The following PTK2B variants were observed in gnomAD, a reference collection of about 807,000 sequenced individuals.
PTK2B encodes the protein protein-tyrosine kinase 2-beta.
In PTK2B, 71 loss-of-function variants were observed where a neutral mutation model predicts 142.9. The observed-to-expected ratio is 0.50, with a 90% CI of 0.41 to 0.61. PTK2B has a LOEUF of 0.61. PTK2B is among the 20% of genes least tolerant of loss of function. The probability of loss-of-function intolerance (pLI) is 0.00; values close to 1 mark genes in which losing one functional copy is unlikely to be tolerated. For synonymous variants in PTK2B, 519 were observed against 503.4 expected, an observed-to-expected ratio of 1.03 and a Z score of -0.42; for missense variants, 1,105 against 1,320.4, an observed-to-expected ratio of 0.84 and a Z score of 2.53.
At position 27,389,153 on chromosome 8, in the gene PTK2B, T is replaced by G. The variant is rs369034472; in HGVS notation, c.-37-8395T>G. ...TTGTTCCGTTTTATCTTTTTTCTTT[T>G]TACTGGATTATGATCTAATAGATGG... On this transcript the variant is annotated intron_variant, in intron 1 of 30. Transcript: ENST00000346049. 5.3e-5 allele frequency among the ~76,000 whole-genome samples: 8 copies of G among 152,294 alleles called. 1 individual carries two copies. The highest frequency in any genetic ancestry group is 1.9e-4 in the African/African-American group (8 of 41,554).
chr8:27,364,115 G>A lies in PTK2B; in HGVS notation c.-37-33433G>A, dbSNP rs549285970. Among the ~76,000 whole-genome samples the A allele has an allele frequency of 3.9e-5, 6 of 152,294 alleles. No homozygotes were observed. The South Asian group carries it at 1.2e-3, about 32-fold the overall frequency. On this transcript the variant is annotated intron_variant, in intron 1 of 30. Transcript: ENST00000346049. The stretch of plus-strand genomic sequence containing the variant: ...CCCGTTTTACAGAGAAAGAAGCCAG[G>A]GTTCAGGATAGTTGGAAATAAGTCT...
Position 27,397,757 on chromosome 8 carries a change from T to C in PTK2B, c.173T>C (p.Leu58Pro). ...NSFNPGKNFK[L>P]VKCTVQTEIR... is the part of the protein sequence containing the mutation. ...TTCAATCCTGGGAAAAACTTCAAAC[T>C]GGTCAAATGCACTGTCCAGACGGAG... The change falls in exon 2 of 31, where the codon CTG becomes CCG. Residue 58 changes from leucine to proline, a missense_variant. Transcript: ENST00000346049. 7 of 1,614,242 alleles carry C rather than the reference T, an allele frequency of 4.3e-6. No individual in the cohort carries two copies. The highest frequency in any genetic ancestry group is 5.9e-6 in the Non-Finnish European group (7 of 1,180,034).
rs1325193695 is a variant in PTK2B at position 27,445,889 on chromosome 8, G to A, written c.2310G>A (p.Arg770=). ...CACTGCACACCCCACCTCTCCACCG[G>A]CACAATGTCTTCAAACGCCACAGCA... is the stretch of plus-strand genomic sequence containing the variant. ...VNSLHTPPLH[R]HNVFKRHSMR... The change falls in exon 24 of 31, where the codon CGG becomes CGA. Residue 770 remains arginine (R), a synonymous_variant. Transcript: ENST00000346049. 1.9e-6 allele frequency: 3 copies of A among 1,613,926 alleles called. No homozygotes were observed. In the South Asian group the frequency reaches 3.3e-5, roughly 18 times the overall value.
rs950837484 is a variant in PTK2B, at chr8:27,339,208, T to C, written c.-38+13527T>C. ...GATTGCAGGCCTTGGTCCAGAGTTG[T>C]AAGTCACCAGAGTGGGACCTTTAGG... On this transcript the variant is annotated intron_variant, in intron 1 of 30. Transcript: ENST00000346049. 2.0e-5 allele frequency among the ~76,000 whole-genome samples: 3 copies of C among 152,220 alleles called. No individual in the cohort carries two copies. In the East Asian group the frequency reaches 5.8e-4, roughly 29 times the overall value.
chr8:27,445,534 A>G (rs1279949095), intron 23 of PTK2B, among the ~76,000 whole-genome samples: 2 of 152,210 alleles, frequency 1.3e-5, no homozygotes, highest in African/African-American at 4.8e-5. Context: ...CCCTGGTCTC[A>G]GTGGGTCCGT....
Position 27,459,070 on chromosome 8 carries a change from G to C in PTK2B, c.*561G>C, listed in dbSNP as rs866320355. On this transcript the variant is annotated 3_prime_UTR_variant, in exon 31 of 31. Transcript: ENST00000346049. ...GACAGCATGTGCCCTCCTGAGGGAG[G>C]ACCTGGGGCACAGTCCAGGAACAAG... The C allele has an allele frequency of 1.7e-4, 42 of 250,966 alleles. No individual in the cohort carries two copies. In the Middle Eastern group the frequency reaches 3.7e-3, roughly 22 times the overall value. 15.5% of individuals were successfully genotyped at this position (250,966 alleles called of 1,614,324 possible).
chr8:27,442,391 A>T (rs1328385097), intron 21 of PTK2B, among the ~76,000 whole-genome samples: 1 of 152,200 alleles, frequency 6.6e-6, no homozygotes, highest in Non-Finnish European at 1.5e-5. Context: ...AGAGGCGCGC[A>T]CATGGCTAGC....
intron 1 of PTK2B, among the ~76,000 whole-genome samples, chr8:27,356,052 G>A (rs1178824831): frequency 2.0e-5 from 3 of 151,676 alleles, no homozygotes; most frequent in Admixed American, 1.3e-4. Context: ...GTATTATCTA[G>A]AATACTAGAA....
chr8:27,458,501 G>A lies in PTK2B; in HGVS notation c.3022G>A (p.Ala1008Thr). The part of the protein sequence containing the change: ...KVLANLAHPP[A>T]E Reference sequence around the variant, plus strand: ...TCTGGCCAATCTGGCCCACCCACCTGCAGAGTGACGGAGGGTGGGGGCCAC... The same window carrying A: ...TCTGGCCAATCTGGCCCACCCACCTACAGAGTGACGGAGGGTGGGGGCCAC... The change falls in exon 31 of 31, where the codon GCA becomes ACA. Residue 1008 changes from alanine (A) to threonine (T), a missense_variant. Physicochemically the swap from Ala to Thr is moderately conservative, Grantham distance 58. Transcript: ENST00000346049. 1 of 1,569,576 alleles carries A rather than the reference G, an allele frequency of 6.4e-7. No individual in the cohort carries two copies. Among genetic ancestry groups the A allele is most frequent in the Middle Eastern group, 2.0e-4 (1 of 5,010 alleles).
intron 2 of PTK2B, among the ~76,000 whole-genome samples, chr8:27,403,869 T>C (rs1245641035): frequency 6.6e-6 from 1 of 151,884 alleles, no homozygotes. Context: ...TCTTCTTCTT[T>C]CTCCCTTCTT....
chr8:27,391,376 C>T (rs988091078), intron 1 of PTK2B, among the ~76,000 whole-genome samples: 2 of 152,162 alleles, frequency 1.3e-5, no homozygotes, highest in East Asian at 3.9e-4. Context: ...GGATTACAGT[C>T]GTGAGCCACT....
intron 27 of PTK2B, 154 bp downstream of exon 27, chr8:27,451,663 AGCTTCCCCTCC>A (rs1009970097): frequency 6.7e-7 from 1 of 1,490,972 alleles, no homozygotes; most frequent in African/African-American, 1.4e-5. Flanking sequence ...GGGGCAGGCC[AGCTTCCCCTCC>A]GCTCCCTCCA....
intron 1 of PTK2B, among the ~76,000 whole-genome samples, chr8:27,364,725 A>G (rs141852059): frequency 1.3e-5 from 2 of 152,342 alleles, no homozygotes; most frequent in Non-Finnish European, 2.9e-5. Context: ...GAGTGGCCTC[A>G]CTGACGTCCA....
At chr8:27,340,619 G>A (rs1804340630) in intron 1 of PTK2B, among the ~76,000 whole-genome samples, 1 of 152,246 alleles carries the variant, frequency 6.6e-6, no homozygotes. Context: ...AAGAGAGTCA[G>A]ATTTTTGTTT....
At chr8:27,361,096 AATTT>A (rs1805673784) in intron 1 of PTK2B, among the ~76,000 whole-genome samples, 1 of 152,202 alleles carries the variant, frequency 6.6e-6, no homozygotes, top group African/African-American at 2.4e-5. Context: ...CCCATTAAAT[AATTT>A]CCTATCCCTC....
chr8:27,453,009 TCTC>T (rs1415850279), intron 27 of PTK2B, 102 bp from the exon 28 acceptor site: 5 of 1,345,860 alleles, frequency 3.7e-6, no homozygotes, highest in Admixed American at 3.8e-5. Flanking sequence ...TTCCCTGAAG[TCTC>T]CTGGTGGTAG....
intron 1 of PTK2B, among the ~76,000 whole-genome samples, chr8:27,357,881 G>A (rs566410982): frequency 2.6e-5 from 4 of 152,278 alleles, no homozygotes; most frequent in African/African-American, 9.6e-5. Context: ...CTAGCCTCAT[G>A]GAGATTATGT....
At chr8:27,419,273 C>A (rs1345137640) in intron 2 of PTK2B, among the ~76,000 whole-genome samples, 1 of 152,192 alleles carries the variant, frequency 6.6e-6, no homozygotes, top group Non-Finnish European at 1.5e-5. Flanking sequence ...GGGATTGTGG[C>A]ACTTAATCCT....
rs779353169 is a variant in PTK2B at position 27,434,075 on chromosome 8, TTCCTCCTCTC to T, written c.1106-16_1106-7del. The T allele has an allele frequency of 6.2e-7, 1 of 1,613,828 alleles. No homozygotes were observed. The highest frequency in any genetic ancestry group is 2.2e-5 in the East Asian group (1 of 44,862). On this transcript the variant is annotated splice_polypyrimidine_tract_variant and splice_region_variant and intron_variant, in intron 11 of 30. Transcript: ENST00000346049. ...TGTGTCCCCAGCTCCAACCTCCTCC[TTCCTCCTCTC>T]TTCCTAGATGGTGAGAAGCGGAACA... is the stretch of plus-strand genomic sequence containing the variant.
Sources: gnomAD v4.1 joint callset for allele counts (sites outside exome capture counted in the v4.1 genomes callset) on GRCh38, gnomAD v4.1.1 for gene constraint, MANE v1.5 for transcripts, NCBI Gene and HGNC (gene_info 2026-07-23, HGNC 2026-07-21) for gene names.